Variants in IQCH observed in about 807,000 individuals in gnomAD.
IQCH encodes the protein IQ domain-containing protein H.
IQCH carries 98 observed loss-of-function variants against 117.0 expected under a neutral mutation model. The observed-to-expected ratio is 0.84, with a 90% confidence interval of 0.71 to 0.99. The LOEUF is 0.99. IQCH is among the 50% of genes least tolerant of loss of function. The probability of loss-of-function intolerance (pLI) is 0.00; values close to 1 mark genes in which losing one functional copy is unlikely to be tolerated. For missense variants in IQCH, 1,102 were observed against 1,243.8 expected (o/e 0.89, Z 1.72); for synonymous variants, 412 against 448.2 (o/e 0.92, Z 1.02).
rs928050345 is a variant in IQCH at position 67,453,490 on chromosome 15, C to T, written c.2506-11637C>T. Among the ~76,000 whole-genome samples the T allele has an allele frequency of 1.3e-5, 2 of 152,234 alleles. No individual in the cohort carries two copies. The highest frequency in any genetic ancestry group is 2.9e-5 in the Non-Finnish European group (2 of 68,044). On this transcript the variant is annotated intron_variant, in intron 16 of 20. Coordinates refer to ENST00000335894, the MANE Select transcript of IQCH (RefSeq NM_001031715.3). This position sits in a 1 kb window ranked among gnomAD's most constrained non-coding sequence, Gnocchi z 5.8. ...TCTGTTGGAGTTTGCTAGAAGTCCA[C>T]TCCAGACACTGTTTGCCTGGGTATC...
rs1303296584 is a variant in IQCH, at chr15:67,413,095, G to GTGTGTGTC, written c.2098-3831_2098-3830insGTCTGTGT. ...GGTGTGTGTGTGTGTGTGTGTGTGTGTGTGTCTGTGTGTACATAAGTTTGT... is the reference window on the plus strand; with the variant it reads ...GGTGTGTGTGTGTGTGTGTGTGTGTGTGTGTGTCTGTGTCTGTGTGTACATAAGTTTGT... On this transcript the variant is annotated intron_variant, in intron 14 of 20. Transcript: ENST00000335894. The surrounding 1 kb of genome is among the most constrained non-coding windows in gnomAD (Gnocchi z 5.0). Among the ~76,000 whole-genome samples, 3 of 151,962 alleles carry GTGTGTGTC rather than the reference G, an allele frequency of 2.0e-5. No homozygotes were observed. Among genetic ancestry groups the GTGTGTGTC allele is most frequent in the African/African-American group, 7.3e-5 (3 of 41,354 alleles).
intron 5 of IQCH, 136 bp from the exon 6 acceptor site, chr15:67,343,927 A>G (rs1375005418): frequency 4.8e-6 from 3 of 629,326 alleles, no homozygotes; most frequent in Middle Eastern, 3.9e-4. Context: ...TTTTTTATGC[A>G]AAGGATTAAG....
intron 16 of IQCH, among the ~76,000 whole-genome samples, chr15:67,437,943 AAG>A (rs1476783411): frequency 6.6e-6 from 1 of 152,212 alleles, no homozygotes; most frequent in Admixed American, 6.5e-5. Context: ...ACTGAGGAAG[AAG>A]AGAATTCTAA....
chr15:67,486,082 C>A (rs1162696750), intron 18 of IQCH, among the ~76,000 whole-genome samples: 1 of 141,052 alleles, frequency 7.1e-6, no homozygotes, highest in Non-Finnish European at 1.5e-5. Context: ...GCACTATCTC[C>A]CGGGCTGGCG....
chr15:67,331,416 A>G (rs943178554), intron 4 of IQCH, among the ~76,000 whole-genome samples: 1 of 152,196 alleles, frequency 6.6e-6, no homozygotes, highest in Non-Finnish European at 1.5e-5. Context: ...TAAGGAAACA[A>G]ATTGAATACC....
intron 8 of IQCH, chr15:67,371,507 G>T (rs1970531264): frequency 2.5e-6 from 4 of 1,593,966 alleles, no homozygotes; most frequent in Admixed American, 1.7e-5. Flanking sequence ...AAGAACACGT[G>T]TCAAGAGAAA....
At chr15:67,398,446 A>G (rs919160428) in intron 13 of IQCH, among the ~76,000 whole-genome samples, 10 of 152,320 alleles carry the variant, frequency 6.6e-5, no homozygotes, top group African/African-American at 2.4e-4. Flanking sequence ...TCATTTAAAC[A>G]CCCAAATCAT....
intron 16 of IQCH, among the ~76,000 whole-genome samples, chr15:67,449,046 C>G (rs1355937337): frequency 2.9e-5 from 4 of 138,624 alleles, no homozygotes; most frequent in African/African-American, 1.1e-4. Context: ...CTGTTCATAT[C>G]CTTCGCCCAC....
intron 4 of IQCH, among the ~76,000 whole-genome samples, chr15:67,291,808 G>T (rs1165886786): frequency 6.6e-6 from 1 of 152,156 alleles, no homozygotes; most frequent in Non-Finnish European, 1.5e-5. Context: ...TCCACTGTGA[G>T]TTCTGCCCTC....
intron 6 of IQCH, among the ~76,000 whole-genome samples, chr15:67,354,275 A>G (rs1028866985): frequency 5.3e-5 from 8 of 152,214 alleles, no homozygotes; most frequent in Admixed American, 4.6e-4. Context: ...AAATGTAAGG[A>G]AAGTTCAACA....
At chr15:67,461,747 C>T (rs1223770870) in intron 16 of IQCH, among the ~76,000 whole-genome samples, 1 of 152,140 alleles carries the variant, frequency 6.6e-6, no homozygotes, top group Non-Finnish European at 1.5e-5. Context: ...GCTTTTTTAT[C>T]TCAGTGTCTT....
chr15:67,396,025 A>G (rs1971459124), intron 13 of IQCH, among the ~76,000 whole-genome samples: 1 of 152,182 alleles, frequency 6.6e-6, no homozygotes, highest in African/African-American at 2.4e-5. Flanking sequence ...TTAGTCTTGC[A>G]GAAATTGCTG....
chr15:67,372,011 C>T lies in IQCH; in HGVS notation c.754-100C>T. On this transcript the variant is annotated intron_variant, in intron 8 of 20. Coordinates refer to ENST00000335894, the MANE Select transcript of IQCH (RefSeq NM_001031715.3). ...AGTGCTAGGATTCATATCTTCCCAC[C>T]ATTGAATGCTAAATGATAATGTAGT... 3 of 1,020,030 alleles carry T rather than the reference C, an allele frequency of 2.9e-6. No individual in the cohort carries two copies. In the South Asian group the frequency reaches 5.0e-5, roughly 17 times the overall value. 63.2% of individuals were successfully genotyped at this position (1,020,030 alleles called of 1,614,324 possible).
At chr15:67,306,755 C>G in intron 4 of IQCH, 2 of 974,934 alleles carry the variant, frequency 2.1e-6, no homozygotes, top group Admixed American at 4.0e-5. Context: ...AAAAGTGAGA[C>G]TCACTGGTGA....
At chr15:67,317,929 A>G (rs1320830086) in intron 4 of IQCH, among the ~76,000 whole-genome samples, 1 of 152,090 alleles carries the variant, frequency 6.6e-6, no homozygotes, top group Non-Finnish European at 1.5e-5. Flanking sequence ...ATTGTAGCAC[A>G]ATCCTAGGAC....
At chr15:67,452,849 C>T (rs955019049) in intron 16 of IQCH, among the ~76,000 whole-genome samples, 4 of 152,342 alleles carry the variant, frequency 2.6e-5, no homozygotes, top group African/African-American at 9.6e-5. Context: ...CTCCCCATCA[C>T]TTTCAGGTAC....
chr15:67,329,567 G>C (rs752595635), intron 4 of IQCH, among the ~76,000 whole-genome samples: 1 of 151,824 alleles, frequency 6.6e-6, no homozygotes, highest in East Asian at 1.9e-4. Flanking sequence ...AAACTCCTGG[G>C]CTCAAGCAAT....
chr15:67,345,213 ACTC>A, intron 6 of IQCH, among the ~76,000 whole-genome samples: 1 of 151,876 alleles, frequency 6.6e-6, no homozygotes, highest in South Asian at 2.1e-4. Flanking sequence ...CTGGTCTCAA[ACTC>A]CTGACCTCAG....
At chr15:67,298,142 CTACTAAA>C in intron 4 of IQCH, among the ~76,000 whole-genome samples, 1 of 151,972 alleles carries the variant, frequency 6.6e-6, no homozygotes, top group East Asian at 1.9e-4. Context: ...AACCCCGTCT[CTACTAAA>C]AATACAAAAA....
Sources: allele counts gnomAD v4.1 joint callset (sites outside exome capture counted in the v4.1 genomes callset), GRCh38; gene constraint gnomAD v4.1.1; non-coding constraint Gnocchi (gnomAD v3.1); transcripts MANE v1.5; gene names NCBI Gene and HGNC (gene_info 2026-07-23, HGNC 2026-07-21).